The following PAPOLG variants were observed in gnomAD, a reference collection of about 807,000 sequenced individuals.
PAPOLG encodes the protein poly(A) polymerase gamma.
Under a neutral mutation model 99.0 loss-of-function variants are expected in PAPOLG, and 40 were observed. The ratio of observed to expected loss-of-function variants is 0.40; its 90% CI spans 0.31 to 0.53. The LOEUF is 0.53. Among genes scored for constraint, PAPOLG ranks in the 20% least tolerant of loss-of-function variants. The probability of loss-of-function intolerance (pLI) is 0.41; values close to 1 mark genes in which losing one functional copy is unlikely to be tolerated. For missense variants in PAPOLG, 675 were observed against 884.1 expected (o/e 0.76, Z 3.00); for synonymous variants, 310 against 299.3 (o/e 1.04, Z -0.37).
At chr2:60,777,739 G>T (rs1671066460) in intron 8 of PAPOLG, among the ~76,000 whole-genome samples, 1 of 152,074 alleles carries the variant, frequency 6.6e-6, no homozygotes, top group African/African-American at 2.4e-5. Context: ...TTCTTAACTG[G>T]CCTAATTTAA....
At chr2:60,762,323 C>T (rs1670543828) in intron 3 of PAPOLG, among the ~76,000 whole-genome samples, 1 of 152,090 alleles carries the variant, frequency 6.6e-6, no homozygotes, top group Non-Finnish European at 1.5e-5. Flanking sequence ...TATAACTACA[C>T]AACCTTTTTC....
intron 1 of PAPOLG, among the ~76,000 whole-genome samples, chr2:60,758,853 A>C (rs1438995177): frequency 6.6e-6 from 1 of 152,240 alleles, no homozygotes; most frequent in African/African-American, 2.4e-5. Context: ...TATTTTTTAC[A>C]GGGCTAATTT....
chr2:60,791,980 T>C, intron 16 of PAPOLG, 98 bp downstream of exon 16: 1 of 1,483,410 alleles, frequency 6.7e-7, no homozygotes, highest in South Asian at 1.3e-5. Flanking sequence ...TTGAGAAAAA[T>C]AAGGAAGATA....
At position 60,793,529 on chromosome 2, in the gene PAPOLG, A is replaced by T; in HGVS notation, c.1680-98A>T. On this transcript the variant is annotated intron_variant, in intron 17 of 21. Transcript: ENST00000238714. ...CAGTGAGCTGTGATTGTGCCACTGC[A>T]CTCCAACTTGGGCAGTAGAATGAGG... 4 of 1,399,632 alleles carry T rather than the reference A, an allele frequency of 2.9e-6. No individual in the cohort carries two copies. The South Asian group carries it at 5.3e-5, about 18-fold the overall frequency. The allele number at this position is 1,399,632 out of a possible 1,614,324, so 86.7% of individuals were successfully genotyped here.
chr2:60,792,404 T>C, intron 17 of PAPOLG, 115 bp downstream of exon 17: 1 of 1,001,586 alleles, frequency 1.0e-6, no homozygotes, highest in Non-Finnish European at 1.5e-6. Context: ...AGATTTCATT[T>C]TACTGGCTGC....
In PAPOLG at chr2:60,797,753, A is replaced by T. The variant is rs79941154; in HGVS notation, c.*593A>T. The T allele has an allele frequency of 0.011, 1,648 of 152,922 alleles. 19 individuals carry two copies. The highest frequency in any genetic ancestry group is 0.015 in the Admixed American group (235 of 15,296). The allele number at this position is 152,922 out of a possible 1,614,324, so 9.5% of individuals were successfully genotyped here. A position where few individuals can be genotyped will look rare whatever the true frequency, so the allele number is the denominator to read the frequency against. On this transcript the variant is annotated 3_prime_UTR_variant, in exon 22 of 22. Coordinates refer to ENST00000238714, the MANE Select transcript of PAPOLG (RefSeq NM_022894.4). Reference sequence around the variant, plus strand: ...AAATTATTTTTTTCCAGATTGGCACATGAAATATTTAAACTTTTTTGTGTG... The same window carrying T: ...AAATTATTTTTTTCCAGATTGGCACTTGAAATATTTAAACTTTTTTGTGTG...
rs373257923 is a variant in PAPOLG, at chr2:60,787,511, C to A, written c.1287C>A (p.Asp429Glu). The change falls in exon 15 of 22, where the codon GAC (aspartate) becomes GAA (glutamate). Residue 429 changes from aspartate to glutamate, a missense_variant and splice_region_variant. Coordinates refer to ENST00000238714, the MANE Select transcript of PAPOLG (RefSeq NM_022894.4). ...GAAATTCTTAAATTTTACTTTATAGCAACAATTACGTATCAATGTGGTTCC... is the reference window on the plus strand; with the variant it reads ...GAAATTCTTAAATTTTACTTTATAGAAACAATTACGTATCAATGTGGTTCC... ...SFPGNKEHHK[D>E]NNYVSMWFLG... 12 of 1,607,128 alleles carry A rather than the reference C, an allele frequency of 7.5e-6. No individual in the cohort carries two copies. The highest frequency in any genetic ancestry group is 1.0e-5 in the Non-Finnish European group (12 of 1,178,090).
chr2:60,773,832 G>C (rs1670930258), intron 7 of PAPOLG, among the ~76,000 whole-genome samples: 1 of 152,068 alleles, frequency 6.6e-6, no homozygotes, highest in Non-Finnish European at 1.5e-5. Flanking sequence ...TTTATTATTG[G>C]CAACAAATTT....
At chr2:60,787,249 C>A (rs1671390356) in intron 14 of PAPOLG, among the ~76,000 whole-genome samples, 183 bp downstream of exon 14, 1 of 152,048 alleles carries the variant, frequency 6.6e-6, no homozygotes, top group Non-Finnish European at 1.5e-5. Context: ...AGCCCACAAA[C>A]CCCAGCAAAA....
chr2:60,787,455 G>A (rs1671398542), intron 14 of PAPOLG, 56 bp from the exon 15 acceptor site: 1 of 1,534,040 alleles, frequency 6.5e-7, no homozygotes, highest in African/African-American at 1.4e-5. Flanking sequence ...AATAGCATCT[G>A]TAAAGTTGTA....
intron 1 of PAPOLG, among the ~76,000 whole-genome samples, chr2:60,758,510 C>G (rs986457688): frequency 6.7e-6 from 1 of 148,798 alleles, no homozygotes; most frequent in Non-Finnish European, 1.5e-5. Flanking sequence ...TCACTGCAAC[C>G]TTCGTCTCCT....
intron 15 of PAPOLG, among the ~76,000 whole-genome samples, chr2:60,788,408 A>C (rs898130216): frequency 6.6e-6 from 1 of 152,078 alleles, no homozygotes; most frequent in Non-Finnish European, 1.5e-5. Flanking sequence ...TGCAACCTCC[A>C]CCTCTGGGGT....
rs1671828007 is a variant in PAPOLG, at chr2:60,801,237, T to C, written c.*4077T>C. The C allele has an allele frequency of 6.6e-6, 1 of 151,328 alleles. No homozygotes were observed. The highest frequency in any genetic ancestry group is 2.4e-5 in the African/African-American group (1 of 41,096). The allele number at this position is 151,328 out of a possible 1,614,324, so 9.4% of individuals were successfully genotyped here. A position where few individuals can be genotyped will look rare whatever the true frequency, so the allele number is the denominator to read the frequency against. On this transcript the variant is annotated 3_prime_UTR_variant, in exon 22 of 22. Coordinates refer to ENST00000238714, the MANE Select transcript of PAPOLG (RefSeq NM_022894.4). ...AACAAACTAAACAGACCAATAAATA[T>C]AAAAGTGATAGTTTAGGGAAAAAAA...
intron 21 of PAPOLG, 167 bp from the exon 22 acceptor site, chr2:60,796,880 CAGTTCCGAAAGCAAG>C (rs1671723264): frequency 3.9e-6 from 1 of 253,872 alleles, no homozygotes; most frequent in Admixed American, 6.5e-5. Context: ...AAAGAAGTAG[CAGTTCCGAAAGCAAG>C]AGTTCCCTAT....
At chr2:60,768,738 A>G in intron 4 of PAPOLG, 43 bp from the exon 5 acceptor site, 2 of 1,465,378 alleles carry the variant, frequency 1.4e-6, no homozygotes, top group Non-Finnish European at 1.8e-6. Flanking sequence ...CAAAGAATAT[A>G]ACACATAATA....
intron 2 of PAPOLG, among the ~76,000 whole-genome samples, chr2:60,761,219 A>G (rs753502253): frequency 1.8e-4 from 27 of 152,226 alleles, no homozygotes; most frequent in Admixed American, 3.3e-4. Flanking sequence ...TGGTATGTCT[A>G]AACCCTACTT....
chr2:60,782,508 G>A, intron 11 of PAPOLG, 178 bp from the exon 12 acceptor site: 2 of 812,338 alleles, frequency 2.5e-6, no homozygotes, highest in Non-Finnish European at 3.0e-6. Context: ...AGTGAGCCGA[G>A]ATAGATCCAC....
chr2:60,779,877 A>G (rs1671137498), intron 9 of PAPOLG, 102 bp downstream of exon 9: 1 of 1,015,398 alleles, frequency 9.8e-7, no homozygotes, highest in Non-Finnish European at 1.4e-6. Context: ...CTGTTGTTTT[A>G]CATTGCTTTG....
intron 7 of PAPOLG, 29 bp downstream of exon 7, chr2:60,771,659 C>T: frequency 1.3e-6 from 2 of 1,585,316 alleles, no homozygotes; most frequent in South Asian, 1.2e-5. Context: ...ATCTCAGATA[C>T]CTGCTTCAGA....
Sources: gnomAD v4.1 joint callset for allele counts (sites outside exome capture counted in the v4.1 genomes callset) on GRCh38, gnomAD v4.1.1 for gene constraint, MANE v1.5 for transcripts, NCBI Gene and HGNC (gene_info 2026-07-23, HGNC 2026-07-21) for gene names.